PDGFD: variants seen among roughly 807,000 people sequenced by gnomAD.
PDGFD encodes the protein platelet derived growth factor D.
Under a neutral mutation model 44.7 loss-of-function variants are expected in PDGFD, and 30 were observed. That is an observed-to-expected ratio of 0.67 (90% CI 0.50 to 0.91). The LOEUF (loss-of-function observed/expected upper bound fraction) is 0.91, where lower values mean the gene tolerates loss of function less well. Among genes scored for constraint, PDGFD ranks in the 40% least tolerant of loss-of-function variants. The probability of loss-of-function intolerance (pLI) is 0.00; values close to 1 mark genes in which losing one functional copy is unlikely to be tolerated. For missense variants in PDGFD, 445 were observed against 457.8 expected, an observed-to-expected ratio of 0.97 and a Z score of 0.25; for synonymous variants, 173 against 168.4, an observed-to-expected ratio of 1.03 and a Z score of -0.21.
intron 1 of PDGFD, among the ~76,000 whole-genome samples, chr11:104,150,324 G>A (rs2119902619): frequency 6.6e-6 from 1 of 152,266 alleles, no homozygotes; most frequent in African/African-American, 2.4e-5. Flanking sequence ...TAGGGCAGAA[G>A]TGAGGCCAGT....
intron 1 of PDGFD, among the ~76,000 whole-genome samples, chr11:104,025,771 T>A (rs1300298705): frequency 1.3e-4 from 20 of 152,136 alleles, no homozygotes; most frequent in Non-Finnish European, 1.5e-5. Context: ...GCAGCAACAG[T>A]GTCTGCTTCA....
chr11:103,937,368 G>A (rs1369496481), intron 5 of PDGFD, among the ~76,000 whole-genome samples: 1 of 151,872 alleles, frequency 6.6e-6, no homozygotes, highest in South Asian at 2.1e-4. Context: ...AGTTCTCCTG[G>A]AATAAGAAAA....
intron 3 of PDGFD, among the ~76,000 whole-genome samples, chr11:103,963,587 G>C (rs1026302226): frequency 6.6e-6 from 1 of 152,070 alleles, no homozygotes; most frequent in Non-Finnish European, 1.5e-5. Flanking sequence ...TACTGTTTTA[G>C]GCATTGGGCA....
chr11:104,058,621 A>G (rs1186318848), intron 1 of PDGFD, among the ~76,000 whole-genome samples: 1 of 152,240 alleles, frequency 6.6e-6, no homozygotes. Context: ...ACATACACTT[A>G]CCACACTCAT....
rs543145194 is a variant in PDGFD at position 104,138,916 on chromosome 11, C to G, written c.124+24888G>C. ...AGATGGGACTACAGGCACAAGTCACCACGTCCAGCTAATTTTTGTATTTTT... is the reference window on the plus strand; with the variant it reads ...AGATGGGACTACAGGCACAAGTCACGACGTCCAGCTAATTTTTGTATTTTT... On this transcript the variant is annotated intron_variant, in intron 1 of 6. Coordinates refer to ENST00000393158, the MANE Select transcript of PDGFD (RefSeq NM_025208.5). Among the ~76,000 whole-genome samples the G allele has an allele frequency of 8.5e-5, 13 of 152,170 alleles. No individual in the cohort carries two copies. The South Asian group carries it at 2.7e-3, about 32-fold the overall frequency.
intron 1 of PDGFD, among the ~76,000 whole-genome samples, chr11:104,132,695 T>C (rs1483646054): frequency 1.3e-5 from 2 of 152,152 alleles, no homozygotes; most frequent in African/African-American, 4.8e-5. Context: ...TGAATATTGA[T>C]GTTCTCATTA....
intron 1 of PDGFD, among the ~76,000 whole-genome samples, chr11:104,119,078 T>TATATCG (rs1565340471): frequency 1.5e-3 from 6 of 4,116 alleles, no homozygotes; most frequent in African/African-American, 1.6e-3. Flanking sequence ...ATTGGTATAA[T>TATATCG]ATATAATATA....
intron 1 of PDGFD, among the ~76,000 whole-genome samples, chr11:104,080,652 T>G (rs927519380): frequency 2.6e-5 from 4 of 152,356 alleles, no homozygotes; most frequent in African/African-American, 9.6e-5. Flanking sequence ...GATCCTTGCT[T>G]ACTTCTGTTG....
At chr11:104,122,857 G>T (rs1861796418) in intron 1 of PDGFD, among the ~76,000 whole-genome samples, 1 of 151,586 alleles carries the variant, frequency 6.6e-6, no homozygotes. Flanking sequence ...TGTATAAAGG[G>T]AATAGGAAAC....
chr11:104,132,577 T>C (rs1003564702), intron 1 of PDGFD, among the ~76,000 whole-genome samples: 1 of 152,038 alleles, frequency 6.6e-6, no homozygotes, highest in African/African-American at 2.4e-5. Context: ...CTCCATAACA[T>C]GAGTAAGAGA....
chr11:104,099,671 AT>A (rs1437242416), intron 1 of PDGFD, among the ~76,000 whole-genome samples: 21 of 149,132 alleles, frequency 1.4e-4, no homozygotes, highest in Non-Finnish European at 2.7e-4. Context: ...AATAATAATA[AT>A]AATAAATCAA....
At chr11:104,084,823 A>AT (rs1380343149) in intron 1 of PDGFD, among the ~76,000 whole-genome samples, 9 of 146,034 alleles carry the variant, frequency 6.2e-5, no homozygotes, top group Admixed American at 5.5e-4. Context: ...TATAAAATAT[A>AT]AATATAAAAT....
intron 1 of PDGFD, among the ~76,000 whole-genome samples, chr11:104,070,135 T>C (rs1324003924): frequency 1.3e-5 from 2 of 152,204 alleles, no homozygotes; most frequent in Non-Finnish European, 2.9e-5. Flanking sequence ...AAAATAATCT[T>C]GGACTTTCCT....
intron 1 of PDGFD, chr11:104,039,240 T>C (rs1253663387): frequency 6.0e-6 from 1 of 166,022 alleles, no homozygotes; most frequent in African/African-American, 2.4e-5. Context: ...GACAAATTAG[T>C]TCACCTACTT....
At chr11:104,033,924 G>A (rs1488621581) in intron 1 of PDGFD, among the ~76,000 whole-genome samples, 1 of 152,108 alleles carries the variant, frequency 6.6e-6, no homozygotes, top group Non-Finnish European at 1.5e-5. Context: ...TCATTCATCT[G>A]TAAAAATGGT....
intron 1 of PDGFD, among the ~76,000 whole-genome samples, chr11:104,012,064 C>T (rs1859793698): frequency 6.6e-6 from 1 of 152,000 alleles, no homozygotes; most frequent in Non-Finnish European, 1.5e-5. Context: ...AAATGATTCC[C>T]GCATTATGAT....
chr11:104,139,548 A>G (rs182686656), intron 1 of PDGFD, among the ~76,000 whole-genome samples: 1 of 152,328 alleles, frequency 6.6e-6, no homozygotes, highest in African/African-American at 2.4e-5. Context: ...GACTAACACA[A>G]AAGTTACGTG....
intron 1 of PDGFD, among the ~76,000 whole-genome samples, chr11:104,018,492 C>T (rs1025924493): frequency 2.0e-5 from 3 of 152,154 alleles, no homozygotes; most frequent in Admixed American, 1.3e-4. Context: ...TCTGCAGTTT[C>T]GAAGTCAGAA....
intron 6 of PDGFD, among the ~76,000 whole-genome samples, chr11:103,920,414 G>C (rs1432173209): frequency 6.6e-6 from 1 of 152,210 alleles, no homozygotes; most frequent in Non-Finnish European, 1.5e-5. Context: ...ATAATGGAAA[G>C]CCTGGGTGGG....
Sources: allele counts gnomAD v4.1 joint callset (sites outside exome capture counted in the v4.1 genomes callset), GRCh38; gene constraint gnomAD v4.1.1; transcripts MANE v1.5; gene names NCBI Gene and HGNC (gene_info 2026-07-23, HGNC 2026-07-21).